LCK: variants seen among roughly 807,000 people sequenced by gnomAD.
The protein encoded by LCK is tyrosine-protein kinase Lck.
In LCK, 14 loss-of-function variants were observed where a neutral mutation model predicts 64.6. That is an observed-to-expected ratio of 0.22 (90% CI 0.14 to 0.34). The LOEUF (loss-of-function observed/expected upper bound fraction) is 0.34, where lower values mean the gene tolerates loss of function less well. Ranked by LOEUF, LCK falls within the 10% of genes least tolerant of loss-of-function variation. LCK has a pLI of 1.00. For synonymous variants in LCK, 277 were observed against 263.6 expected (o/e 1.05, Z -0.49); for missense variants, 434 against 668.1 (o/e 0.65, Z 3.86).
chr1:32,281,861 G>A (rs879520786), intron 12 of LCK, among the ~76,000 whole-genome samples: 2 of 151,908 alleles, frequency 1.3e-5, no homozygotes, highest in Admixed American at 1.3e-4. Context: ...TCAGGTGTTC[G>A]AGACCAGCCT....
Position 32,275,636 on chromosome 1 carries a change from G to A in LCK, c.445G>A (p.Gly149Ser). The A allele has an allele frequency of 6.4e-7, 1 of 1,571,262 alleles. No homozygotes were observed. Among genetic ancestry groups the A allele is most frequent in the Non-Finnish European group, 8.6e-7 (1 of 1,159,076 alleles). The change falls in exon 6 of 13, where the codon GGC (glycine) becomes AGC (serine). Residue 149 changes from glycine to serine, a missense_variant. Gly to Ser is a moderately conservative substitution (Grantham distance 56, BLOSUM62 0). Around this residue, in one of 2 missense-constraint regions of LCK, gnomAD observed 233 missense variants for 291.2 expected, o/e 0.80. Transcript: ENST00000336890. This position sits in a 1 kb window ranked among gnomAD's most constrained non-coding sequence, Gnocchi z 6.9. Reference protein sequence around the residue: ...RQLLAPGNTHGSFLIRESEST... With the variant: ...RQLLAPGNTHSSFLIRESEST... Reference sequence around the variant, plus strand: ...GCTCCTGGCGCCCGGGAACACTCACGGCTCCTTCCTCATCCGGGAGAGCGA... The same window carrying A: ...GCTCCTGGCGCCCGGGAACACTCACAGCTCCTTCCTCATCCGGGAGAGCGA...
chr1:32,285,461 C>T (rs1286132540), intron 12 of LCK, 53 bp from the exon 13 acceptor site: 2 of 1,499,492 alleles, frequency 1.3e-6, no homozygotes, highest in Non-Finnish European at 1.9e-6. Flanking sequence ...ATTACCCTTG[C>T]CTGTGGGCTT....
Position 32,251,937 on chromosome 1 carries a change from A to G in LCK, c.-6+566A>G, listed in dbSNP as rs34149698. 1.4e-3 allele frequency among the ~76,000 whole-genome samples: 198 copies of G among 139,858 alleles called. 6 individuals carry two copies. The East Asian group carries it at 0.041, about 29-fold the overall frequency. 91.8% of individuals were successfully genotyped at this position (139,858 alleles called of 152,430 possible). A position where few individuals can be genotyped will look rare whatever the true frequency, so the allele number is the denominator to read the frequency against. The stretch of plus-strand genomic sequence containing the variant: ...GAGAGAGAGAGAGAGAGAGAGAGAG[A>G]CAGAGATCACCCAAGGCATCCAGAT... On this transcript the variant is annotated intron_variant, in intron 1 of 12. Coordinates refer to ENST00000336890, the MANE Select transcript of LCK (RefSeq NM_005356.5). This position sits in a 1 kb window ranked among gnomAD's most constrained non-coding sequence, Gnocchi z 4.0.
In LCK at chr1:32,275,535, G is replaced by A. The variant is rs1274560656; in HGVS notation, c.378-34G>A. The A allele has an allele frequency of 4.5e-6, 7 of 1,555,978 alleles. No homozygotes were observed. The highest frequency in any genetic ancestry group is 1.4e-5 in the African/African-American group (1 of 73,562). ...GGCCACGGAGGAAGATCCGACGACA[G>A]CCGACGGCCTTCGTTCGCTTCCGCC... On this transcript the variant is annotated intron_variant, in intron 5 of 12. Transcript: ENST00000336890. The surrounding 1 kb of genome is among the most constrained non-coding windows in gnomAD (Gnocchi z 6.9).
intron 12 of LCK, 57 bp from the exon 13 acceptor site, chr1:32,285,457 C>T: frequency 6.7e-7 from 1 of 1,485,376 alleles, no homozygotes; most frequent in Non-Finnish European, 9.4e-7. Context: ...GAACATTACC[C>T]TTGCCTGTGG....
chr1:32,268,584 A>T (rs1223164633), intron 1 of LCK, among the ~76,000 whole-genome samples: 1 of 151,932 alleles, frequency 6.6e-6, no homozygotes, highest in African/African-American at 2.4e-5. Context: ...AAAATATATC[A>T]TGTACCCCAT....
At chr1:32,284,854 G>A (rs115249816) in intron 12 of LCK, among the ~76,000 whole-genome samples, 113 of 152,324 alleles carry the variant, frequency 7.4e-4, no homozygotes, top group African/African-American at 2.6e-3. Flanking sequence ...TTGTGGTGGT[G>A]TGCACCTGTT....
intron 1 of LCK, among the ~76,000 whole-genome samples, chr1:32,260,165 C>T (rs1025192594): frequency 6.6e-6 from 1 of 152,026 alleles, no homozygotes; most frequent in Non-Finnish European, 1.5e-5. Context: ...GTGTGCACCA[C>T]CACGTTCAGC....
chr1:32,270,151 A>T (rs1291269725), intron 1 of LCK, among the ~76,000 whole-genome samples: 2 of 151,530 alleles, frequency 1.3e-5, no homozygotes, highest in Non-Finnish European at 2.9e-5. Context: ...CTGTCACCCA[A>T]GTTGGAGTGA....
Position 32,276,554 on chromosome 1 carries a change from G to C in LCK, c.785-53G>C. The C allele has an allele frequency of 6.3e-7, 1 of 1,584,242 alleles. No individual in the cohort carries two copies. On this transcript the variant is annotated intron_variant, in intron 8 of 12. Transcript: ENST00000336890. The surrounding 1 kb of genome is among the most constrained non-coding windows in gnomAD (Gnocchi z 4.6). ...GGGAGGGGCCGCTGAGGTGATGAGA[G>C]TCCCAGGACAGCTGCCTGGCGACTT...
chr1:32,283,242 C>T lies in LCK; in HGVS notation c.1328-2272C>T, dbSNP rs991173484. 2.5e-4 allele frequency among the ~76,000 whole-genome samples: 36 copies of T among 144,382 alleles called. 1 individual carries two copies. The highest frequency in any genetic ancestry group is 8.9e-4 in the African/African-American group (34 of 38,044). The allele number at this position is 144,382 out of a possible 152,430, so 94.7% of individuals were successfully genotyped here. A position where few individuals can be genotyped will look rare whatever the true frequency, so the allele number is the denominator to read the frequency against. ...AGGCGGAGGTTGCAGTGAGCCGAGACTGTACCATTGCACTCCAGCCTGGGC... is the reference window on the plus strand; with the variant it reads ...AGGCGGAGGTTGCAGTGAGCCGAGATTGTACCATTGCACTCCAGCCTGGGC... On this transcript the variant is annotated intron_variant, in intron 12 of 12. Transcript: ENST00000336890.
chr1:32,259,289 T>TAAAAAAAAAAAAAAAAAAAA, intron 1 of LCK, among the ~76,000 whole-genome samples: 1 of 124,196 alleles, frequency 8.1e-6, no homozygotes, highest in South Asian at 2.7e-4. Context: ...GCTTCTCAGG[T>TAAAAAAAAAAAAAAAAAAAA]AAAAAAAAAA....
intron 1 of LCK, among the ~76,000 whole-genome samples, chr1:32,266,136 T>A (rs945006526): frequency 1.5e-5 from 2 of 130,470 alleles, no homozygotes; most frequent in East Asian, 2.0e-4. Context: ...ATTTTCAGAT[T>A]TTTTTTGTAG....
chr1:32,281,891 C>T (rs763357465), intron 12 of LCK, among the ~76,000 whole-genome samples: 4 of 151,610 alleles, frequency 2.6e-5, no homozygotes, highest in Non-Finnish European at 5.9e-5. Flanking sequence ...GGTGAAACCC[C>T]GTCTCTACTA....
rs770430504 is a variant in LCK at position 32,280,443 on chromosome 1, C to CTTTTTTTTTTTTTTTTTT, written c.1327+246_1327+263dup. 3.2e-4 allele frequency among the ~76,000 whole-genome samples: 27 copies of CTTTTTTTTTTTTTTTTTT among 84,746 alleles called. 1 individual carries two copies. Among genetic ancestry groups the CTTTTTTTTTTTTTTTTTT allele is most frequent in the Non-Finnish European group, 3.8e-4 (18 of 46,786 alleles). 55.6% of individuals were successfully genotyped at this position (84,746 alleles called of 152,430 possible). A position where few individuals can be genotyped will look rare whatever the true frequency, so the allele number is the denominator to read the frequency against. ...TTTCTTTTTCTCTTTTTTTCTTTTT[C>CTTTTTTTTTTTTTTTTTT]TTTTTTTTTTTTTTTTTTTTTTTTT... is the stretch of plus-strand genomic sequence containing the variant. On this transcript the variant is annotated intron_variant, in intron 12 of 12. Coordinates refer to ENST00000336890, the MANE Select transcript of LCK (RefSeq NM_005356.5).
intron 1 of LCK, among the ~76,000 whole-genome samples, chr1:32,264,544 CAG>C (rs1363877783): frequency 6.6e-6 from 1 of 152,034 alleles, no homozygotes; most frequent in Non-Finnish European, 1.5e-5. Context: ...CAGGAACCCT[CAG>C]TGTATTATTG....
chr1:32,265,710 C>G (rs762570242), intron 1 of LCK, among the ~76,000 whole-genome samples: 1 of 152,180 alleles, frequency 6.6e-6, no homozygotes, highest in Non-Finnish European at 1.5e-5. Flanking sequence ...CTGACCCCAG[C>G]CTGGACCAGG....
At chr1:32,261,652 CA>C (rs1227702959) in intron 1 of LCK, among the ~76,000 whole-genome samples, 7,441 of 64,146 alleles carry the variant, frequency 0.12, 525 homozygotes, top group East Asian at 0.28. Flanking sequence ...TCCTCTGTCT[CA>C]AAAAAAAAAA....
At chr1:32,259,625 A>AT (rs1222563934) in intron 1 of LCK, among the ~76,000 whole-genome samples, 1 of 145,882 alleles carries the variant, frequency 6.9e-6, no homozygotes, top group East Asian at 2.1e-4. Context: ...ATCTAAAAAA[A>AT]TAAAAATAAT....
Sources: gnomAD v4.1 joint callset for allele counts (sites outside exome capture counted in the v4.1 genomes callset) on GRCh38, gnomAD v4.1.1 for gene constraint, gnomAD v4.1.1 regional missense constraint, Gnocchi (gnomAD v3.1) non-coding constraint, MANE v1.5 for transcripts, NCBI Gene and HGNC (gene_info 2026-07-23, HGNC 2026-07-21) for gene names.